PARG: variants seen among roughly 807,000 people sequenced by gnomAD.
PARG encodes the protein mitochondrial poly(ADP-ribose) glycohydrolase.
PARG carries 35 observed loss-of-function variants against 113.0 expected under a neutral mutation model. The observed-to-expected ratio is 0.31, with a 90% CI of 0.24 to 0.41. The LOEUF is 0.41. Among genes scored for constraint, PARG ranks in the 10% least tolerant of loss-of-function variants. The probability of loss-of-function intolerance (pLI) is 1.00; values close to 1 mark genes in which losing one functional copy is unlikely to be tolerated. For synonymous variants in PARG, 330 were observed against 409.9 expected (o/e 0.81, Z 2.36); for missense variants, 797 against 1,169.4 (o/e 0.68, Z 4.64).
At chr10:49,886,011 C>G (rs1280196651) in intron 7 of PARG, among the ~76,000 whole-genome samples, 24 of 152,294 alleles carry the variant, frequency 1.6e-4, no homozygotes, top group African/African-American at 5.5e-4. Context: ...TGACAACACT[C>G]TTAATTTAGA....
chr10:49,832,874 G>A lies in PARG; in HGVS notation c.2576C>T (p.Ser859Leu). The A allele has an allele frequency of 6.4e-7, 1 of 1,550,432 alleles. No homozygotes were observed. Among genetic ancestry groups the A allele is most frequent in the Non-Finnish European group, 8.7e-7 (1 of 1,145,944 alleles). ...TGTGGCCACTGCAGAAAGATTCTCT[G>A]AAGAAACTCCAGGACGGAGAAATCC... ...YCGFLRPGVSSENLSAVATGN... is the reference protein window; with the variant it reads ...YCGFLRPGVSLENLSAVATGN... Residue 859 changes from serine (S) to leucine (L), a missense_variant, in exon 16 of 18, where the codon TCA (serine) becomes TTA (leucine). Transcript: ENST00000616448.
chr10:49,933,438 G>A lies in PARG; in HGVS notation c.1010C>T (p.Thr337Ile), dbSNP rs1554910415. The change falls in exon 3 of 18, where the codon ACA becomes ATA. Residue 337 changes from threonine (T) to isoleucine (I), a missense_variant. Thr to Ile is a moderately conservative substitution (Grantham distance 89). Transcript: ENST00000616448. The part of the protein sequence containing the change: ...DEQEDGSSSQ[T>I]ANKPSRFQAR... ...TTGGAACCTTGAAGGTTTATTTGCT[G>A]TTTGGGAGGAACTACCATCTTCTTG... 2.7e-5 allele frequency: 44 copies of A among 1,613,212 alleles called. No homozygotes were observed. The African/African-American group carries it at 5.3e-4, about 20-fold the overall frequency.
At position 49,879,740 on chromosome 10, in the gene PARG, T is replaced by C. The variant is rs781951280; in HGVS notation, c.1921A>G (p.Thr641Ala). 5 of 1,576,236 alleles carry C rather than the reference T, an allele frequency of 3.2e-6. No homozygotes were observed. Among genetic ancestry groups the C allele is most frequent in the East Asian group, 2.3e-5 (1 of 43,960 alleles). Residue 641 changes from threonine (T) to alanine (A), a missense_variant, in exon 9 of 18, where the codon ACA becomes GCA. By Grantham distance (58) the Thr-to-Ala change is moderately conservative (BLOSUM62 0). Coordinates refer to ENST00000616448, the MANE Select transcript of PARG (RefSeq NM_003631.5). ...ATCTTAGCATTTCGTCGTGGAAATG[T>C]GCAGAAGAAAGCATTAGCTAAAAGA... ...ASLLANAFFC[T>A]FPRRNAKMKS...
Position 49,940,779 on chromosome 10 carries a change from C to T in PARG, c.217+730G>A, listed in dbSNP as rs1839004946. Reference sequence around the variant, plus strand: ...CTGACCTCAGGTGATCCACCCGCCCCAGCCTCCCAAAGCTCAGGGATTACA... The same window carrying T: ...CTGACCTCAGGTGATCCACCCGCCCTAGCCTCCCAAAGCTCAGGGATTACA... On this transcript the variant is annotated intron_variant, in intron 1 of 17. Transcript: ENST00000616448. Among the ~76,000 whole-genome samples the T allele has an allele frequency of 2.0e-5, 3 of 152,310 alleles. No individual in the cohort carries two copies. In the South Asian group the frequency reaches 6.2e-4, roughly 32 times the overall value.
At chr10:49,825,819 C>G (rs1318830267) in intron 16 of PARG, among the ~76,000 whole-genome samples, 3 of 152,118 alleles carry the variant, frequency 2.0e-5, no homozygotes, top group Non-Finnish European at 4.4e-5. Flanking sequence ...CCTGGCTGAT[C>G]CCAGCTCACA....
chr10:49,832,958 G>A (rs1435886557), intron 15 of PARG, 50 bp from the exon 16 acceptor site: 6 of 952,784 alleles, frequency 6.3e-6, no homozygotes, highest in Non-Finnish European at 9.7e-6. Flanking sequence ...GACACTAACA[G>A]TGTTTCTGAC....
Position 49,933,159 on chromosome 10 carries a change from C to T in PARG, c.1271+18G>A, listed in dbSNP as rs1838573117. The T allele has an allele frequency of 5.9e-6, 9 of 1,528,244 alleles. No homozygotes were observed. Among genetic ancestry groups the T allele is most frequent in the Non-Finnish European group, 7.2e-6 (8 of 1,117,600 alleles). 94.7% of individuals were successfully genotyped at this position (1,528,244 alleles called of 1,614,324 possible). On this transcript the variant is annotated intron_variant, in intron 3 of 17. Transcript: ENST00000616448. ...AGCATATTATGCTATTGGAGAGATA[C>T]TGCTGAGAGAAAATTACCTTCTGTC...
chr10:49,913,160 T>C (rs1318204200), intron 7 of PARG, among the ~76,000 whole-genome samples: 1 of 152,230 alleles, frequency 6.6e-6, no homozygotes, highest in Non-Finnish European at 1.5e-5. Context: ...GGCAATGTTG[T>C]CCCTGTGGGT....
rs1251439070 is a variant in PARG at position 49,941,591 on chromosome 10, G to A, written c.135C>T (p.His45=). 5.3e-5 allele frequency: 83 copies of A among 1,570,568 alleles called. No individual in the cohort carries two copies. The highest frequency in any genetic ancestry group is 7.0e-5 in the Non-Finnish European group (81 of 1,158,660). Residue 45 remains histidine, a synonymous_variant, in exon 1 of 18, where the codon CAC becomes CAT. Coordinates refer to ENST00000616448, the MANE Select transcript of PARG (RefSeq NM_003631.5). ...AGGACGGTGGGACCCTGAACTGCAC[G>A]TGAGCGTCCTTGGGGTCGAGGACGC... ...QRRVLDPKDA[H]VQFRVPPSSP...
rs4838567 is a variant in PARG, at chr10:49,845,841, G to A, written c.2354-2209C>T. ...GAACCCAGGAGGCAGAGGTTGCAGT[G>A]AGCCAAGGTCACATCACTGCACTCC... On this transcript the variant is annotated intron_variant, in intron 13 of 17. Coordinates refer to ENST00000616448, the MANE Select transcript of PARG (RefSeq NM_003631.5). Among the ~76,000 whole-genome samples, 605 of 151,670 alleles carry A rather than the reference G, an allele frequency of 4.0e-3. 19 individuals are homozygous for A. Among genetic ancestry groups the A allele is most frequent in the Admixed American group, 0.036 (552 of 15,194 alleles).
At chr10:49,910,115 A>G (rs1455523050) in intron 7 of PARG, among the ~76,000 whole-genome samples, 1 of 152,176 alleles carries the variant, frequency 6.6e-6, no homozygotes, top group Non-Finnish European at 1.5e-5. Context: ...TACCTTTTAA[A>G]TTAAGTAGCA....
intron 13 of PARG, among the ~76,000 whole-genome samples, chr10:49,854,734 A>T (rs1325722179): frequency 7.2e-6 from 1 of 138,390 alleles, no homozygotes; most frequent in Non-Finnish European, 1.6e-5. Context: ...AGTTTCAGGC[A>T]TCTAAGGAAA....
intron 16 of PARG, among the ~76,000 whole-genome samples, chr10:49,831,798 T>TA (rs1844680487): frequency 6.6e-6 from 1 of 152,154 alleles, no homozygotes; most frequent in African/African-American, 2.4e-5. Context: ...GGACAGGACT[T>TA]TTTTCTGAGT....
chr10:49,927,906 A>G (rs1473243811), intron 4 of PARG, among the ~76,000 whole-genome samples: 2 of 151,800 alleles, frequency 1.3e-5, no homozygotes, highest in South Asian at 4.2e-4. Context: ...CAGTGAGCCA[A>G]GATCACACAC....
intron 7 of PARG, among the ~76,000 whole-genome samples, chr10:49,891,605 ATATATATATATATATATATTT>A (rs1412141982): frequency 1.5e-4 from 6 of 39,116 alleles, no homozygotes; most frequent in African/African-American, 9.6e-4. Flanking sequence ...ATATATATAT[ATATATATATATATATATATTT>A]TTTTTTTTTT....
chr10:49,933,239 A>G lies in PARG; in HGVS notation c.1209T>C (p.His403=), dbSNP rs2132975661. The change falls in exon 3 of 18, where the codon CAT becomes CAC. Residue 403 remains histidine, a synonymous_variant. Transcript: ENST00000616448. ...LNVECRNSKQ[H]GKKDSKITDH... ...CTGTGATTTTAGAATCCTTTTTTCC[A>G]TGTTGCTTAGAATTTCTGCATTCTA... is the stretch of plus-strand genomic sequence containing the variant. 6.3e-7 allele frequency: 1 copy of G among 1,593,174 alleles called. No individual in the cohort carries two copies. Among genetic ancestry groups the G allele is most frequent in the East Asian group, 2.2e-5 (1 of 44,592 alleles).
At chr10:49,843,346 T>C (rs1010066403) in intron 14 of PARG, among the ~76,000 whole-genome samples, 3 of 152,218 alleles carry the variant, frequency 2.0e-5, no homozygotes, top group African/African-American at 7.2e-5. Context: ...TTTAGACTTT[T>C]GGTTTTATCT....
intron 7 of PARG, among the ~76,000 whole-genome samples, chr10:49,906,814 G>T (rs568420384): frequency 2.5e-4 from 38 of 152,314 alleles, no homozygotes; most frequent in African/African-American, 8.9e-4. Flanking sequence ...TCTTGTAGAA[G>T]AGGTGAGTCT....
At chr10:49,899,734 G>C (rs1364630990) in intron 7 of PARG, among the ~76,000 whole-genome samples, 1 of 150,880 alleles carries the variant, frequency 6.6e-6, no homozygotes, top group East Asian at 1.9e-4. Context: ...GTCAGCTGTG[G>C]TGACACATAC....
Sources: allele counts gnomAD v4.1 joint callset (sites outside exome capture counted in the v4.1 genomes callset), GRCh38; gene constraint gnomAD v4.1.1; transcripts MANE v1.5; gene names NCBI Gene and HGNC (gene_info 2026-07-23, HGNC 2026-07-21).